SLC8A3: variants seen among roughly 807,000 people sequenced by gnomAD.
The protein encoded by SLC8A3 is solute carrier family 8 member A3, also known as sodium/calcium exchanger 3.
In SLC8A3, 37 loss-of-function variants were observed where a neutral mutation model predicts 65.4. The ratio of observed to expected loss-of-function variants is 0.57; its 90% CI spans 0.44 to 0.74. The LOEUF (loss-of-function observed/expected upper bound fraction) is 0.74, where lower values mean the gene tolerates loss of function less well. SLC8A3 is among the 30% of genes least tolerant of loss of function. The pLI, the probability that SLC8A3 is intolerant of heterozygous loss-of-function variation, is 0.00. For missense variants in SLC8A3, 1,112 were observed against 1,172.1 expected (o/e 0.95, Z 0.75); for synonymous variants, 461 against 444.5 (o/e 1.04, Z -0.47).
chr14:70,093,879 C>G (rs1273528433), intron 2 of SLC8A3, among the ~76,000 whole-genome samples: 3 of 152,214 alleles, frequency 2.0e-5, no homozygotes, highest in Non-Finnish European at 4.4e-5. Flanking sequence ...CTGGTACCTG[C>G]CCTAGCTCAT....
chr14:70,086,767 A>G (rs1433372922), intron 2 of SLC8A3, among the ~76,000 whole-genome samples: 1 of 152,070 alleles, frequency 6.6e-6, no homozygotes, highest in African/African-American at 2.4e-5. Context: ...TTCCTCTGTA[A>G]TGGGCTATTT....
rs556664503 is a variant in SLC8A3 at position 70,061,531 on chromosome 14, G to C, written c.1785-592C>G. On this transcript the variant is annotated intron_variant, in intron 2 of 6. Transcript: ENST00000356921. ...GGAAGGAAAACCAGACAGAGGAAGA[G>C]AAGAGAGAGAGAGAGAGAGAGTGAG... Among the ~76,000 whole-genome samples, 316 of 149,364 alleles carry C rather than the reference G, an allele frequency of 2.1e-3. 1 individual carries two copies. The highest frequency in any genetic ancestry group is 3.7e-3 in the Non-Finnish European group (252 of 67,684).
At chr14:70,132,687 G>C (rs1419204042) in intron 2 of SLC8A3, among the ~76,000 whole-genome samples, 3 of 152,132 alleles carry the variant, frequency 2.0e-5, no homozygotes, top group East Asian at 1.9e-4. Flanking sequence ...GTTAAAAGAG[G>C]GGGTAGGGGT....
At chr14:70,105,156 C>T (rs1007292239) in intron 2 of SLC8A3, among the ~76,000 whole-genome samples, 9 of 152,086 alleles carry the variant, frequency 5.9e-5, no homozygotes, top group African/African-American at 1.2e-4. Flanking sequence ...GGTGAAACCC[C>T]GTCTCTACTA....
intron 2 of SLC8A3, among the ~76,000 whole-genome samples, chr14:70,111,636 G>T (rs539428776): frequency 2.0e-5 from 3 of 152,208 alleles, no homozygotes; most frequent in Admixed American, 1.3e-4. Context: ...TGACATATCG[G>T]CTGGCAACTT....
chr14:70,080,554 T>C (rs185641227), intron 2 of SLC8A3, among the ~76,000 whole-genome samples: 196 of 152,236 alleles, frequency 1.3e-3, no homozygotes, highest in Non-Finnish European at 2.4e-3. Context: ...AGCAATTGAG[T>C]CAGGAGACAG....
intron 2 of SLC8A3, among the ~76,000 whole-genome samples, chr14:70,071,813 T>G (rs1171120215): frequency 1.3e-5 from 2 of 152,234 alleles, no homozygotes; most frequent in Non-Finnish European, 2.9e-5. Context: ...GAAGGCTTAT[T>G]TATTTTATGG....
rs1896884035 is a variant in SLC8A3 at position 70,161,352 on chromosome 14, G to A, written c.1784+5287C>T. On this transcript the variant is annotated intron_variant, in intron 2 of 6. Coordinates refer to ENST00000356921, the MANE Select transcript of SLC8A3 (RefSeq NM_182932.3). ...AGCCTTCAATTATTCCTTTGGGCCT[G>A]GAAAGTGGGCAATTGTGGTTGAACA... is the stretch of plus-strand genomic sequence containing the variant. 2.0e-5 allele frequency among the ~76,000 whole-genome samples: 3 copies of A among 147,628 alleles called. No individual in the cohort carries two copies. In the South Asian group the frequency reaches 6.5e-4, roughly 32 times the overall value.
At position 70,186,399 on chromosome 14, in the gene SLC8A3, A is replaced by G. The variant is rs74833437; in HGVS notation, c.-63+1980T>C. ...TAATAAGCAGGGATGTGGCCTAGTC[A>G]GGGAGAATATGAAAGGCTTCCTTGA... On this transcript the variant is annotated intron_variant, in intron 1 of 6. Transcript: ENST00000356921. Among the ~76,000 whole-genome samples the G allele has an allele frequency of 7.8e-3, 1,194 of 152,312 alleles. 10 individuals carry two copies. Among genetic ancestry groups the G allele is most frequent in the African/African-American group, 0.025 (1,035 of 41,568 alleles).
intron 2 of SLC8A3, among the ~76,000 whole-genome samples, chr14:70,155,878 T>TCTACTCAACCC (rs1896544493): frequency 1.3e-5 from 2 of 152,252 alleles, no homozygotes; most frequent in African/African-American, 4.8e-5. Context: ...CATTTCTGTC[T>TCTACTCAACCC]CTACTCAACC....
At chr14:70,060,489 G>T (rs1888663829) in intron 3 of SLC8A3, among the ~76,000 whole-genome samples, 2 of 152,122 alleles carry the variant, frequency 1.3e-5, no homozygotes. Flanking sequence ...GGGGGAGAGT[G>T]CAGGGGCCCA....
chr14:70,054,895 C>T (rs147987501), intron 3 of SLC8A3, among the ~76,000 whole-genome samples: 1 of 152,184 alleles, frequency 6.6e-6, no homozygotes, highest in Non-Finnish European at 1.5e-5. Flanking sequence ...GTGGCCTTAA[C>T]ATTTTTTTCT....
chr14:70,115,666 G>T (rs1008942446), intron 2 of SLC8A3, among the ~76,000 whole-genome samples: 4 of 152,162 alleles, frequency 2.6e-5, no homozygotes, highest in Admixed American at 1.3e-4. Flanking sequence ...TGAAAAGTGG[G>T]TGGCACAAAT....
At chr14:70,054,521 G>A (rs1229345030) in intron 3 of SLC8A3, among the ~76,000 whole-genome samples, 1 of 151,868 alleles carries the variant, frequency 6.6e-6, no homozygotes, top group Admixed American at 6.6e-5. Flanking sequence ...GAGGGGGGGC[G>A]GGTGGAGGAA....
intron 1 of SLC8A3, among the ~76,000 whole-genome samples, chr14:70,169,882 G>T (rs1461142493): frequency 6.6e-6 from 1 of 151,984 alleles, no homozygotes; most frequent in Non-Finnish European, 1.5e-5. Context: ...ATGTTAGAAA[G>T]CAGATGTTAG....
intron 1 of SLC8A3, among the ~76,000 whole-genome samples, chr14:70,175,698 T>C (rs1253725523): frequency 6.6e-6 from 1 of 152,000 alleles, no homozygotes; most frequent in Non-Finnish European, 1.5e-5. Context: ...GGAAGCTCTA[T>C]GAAAAATTTC....
chr14:70,097,550 C>T (rs1892271228), intron 2 of SLC8A3, among the ~76,000 whole-genome samples: 1 of 152,176 alleles, frequency 6.6e-6, no homozygotes, highest in Non-Finnish European at 1.5e-5. Flanking sequence ...GCCTCAGTTT[C>T]CTTGTTTGTA....
At chr14:70,075,161 G>C (rs1220002763) in intron 2 of SLC8A3, among the ~76,000 whole-genome samples, 1 of 152,138 alleles carries the variant, frequency 6.6e-6, no homozygotes, top group Non-Finnish European at 1.5e-5. Context: ...GTGCGTGCGT[G>C]TGTGCGTGTG....
intron 3 of SLC8A3, chr14:70,055,941 A>G: frequency 1.3e-6 from 1 of 746,056 alleles, no homozygotes; most frequent in Non-Finnish European, 2.2e-6. Context: ...TTAGTAGGTG[A>G]GAGCTCAGCA....
Sources: allele counts gnomAD v4.1 joint callset (sites outside exome capture counted in the v4.1 genomes callset), GRCh38; gene constraint gnomAD v4.1.1; transcripts MANE v1.5; gene names NCBI Gene and HGNC (gene_info 2026-07-23, HGNC 2026-07-21).